MTHFD1L: variants seen among roughly 807,000 people sequenced by gnomAD.
MTHFD1L encodes the protein monofunctional C1-tetrahydrofolate synthase, mitochondrial.
MTHFD1L carries 81 observed loss-of-function variants against 119.5 expected under a neutral mutation model. The observed-to-expected ratio is 0.68, with a 90% CI of 0.57 to 0.82. The LOEUF is 0.82. Among genes scored for constraint, MTHFD1L ranks in the 40% least tolerant of loss-of-function variants. The pLI is 0.00. For missense variants in MTHFD1L, 1,125 were observed against 1,253.4 expected, an observed-to-expected ratio of 0.90 and a Z score of 1.55; for synonymous variants, 430 against 475.2, an observed-to-expected ratio of 0.90 and a Z score of 1.24.
At chr6:151,075,059 A>G (rs1447762850) in intron 26 of MTHFD1L, among the ~76,000 whole-genome samples, 1 of 152,228 alleles carries the variant, frequency 6.6e-6, no homozygotes, top group African/African-American at 2.4e-5. Context: ...AATCATTAAA[A>G]ATAATCCAGA....
At chr6:150,897,535 T>A (rs1435693958) in intron 7 of MTHFD1L, among the ~76,000 whole-genome samples, 2 of 152,224 alleles carry the variant, frequency 1.3e-5, no homozygotes, top group Non-Finnish European at 1.5e-5. Flanking sequence ...ATGCACTTCT[T>A]AGCTGTGGGG....
intron 26 of MTHFD1L, among the ~76,000 whole-genome samples, chr6:151,037,663 A>T (rs932053996): frequency 2.0e-5 from 3 of 152,180 alleles, no homozygotes; most frequent in African/African-American, 7.2e-5. Context: ...TTGGATGATT[A>T]TTCTGTTATT....
chr6:150,892,897 A>G lies in MTHFD1L; in HGVS notation c.780+4916A>G, dbSNP rs373574779. ...GTCGTGGTAATATGGAGACATGGTAATATGTGGATTGTACCACTCAATGGC... is the reference window on the plus strand; with the variant it reads ...GTCGTGGTAATATGGAGACATGGTAGTATGTGGATTGTACCACTCAATGGC... On this transcript the variant is annotated intron_variant, in intron 7 of 27. Coordinates refer to ENST00000367321, the MANE Select transcript of MTHFD1L (RefSeq NM_015440.5). Among the ~76,000 whole-genome samples, 9 of 152,166 alleles carry G rather than the reference A, an allele frequency of 5.9e-5. No individual in the cohort carries two copies. In the East Asian group the frequency reaches 7.7e-4, roughly 13 times the overall value.
chr6:151,011,169 C>T (rs756721977), intron 21 of MTHFD1L, among the ~76,000 whole-genome samples: 48 of 152,206 alleles, frequency 3.2e-4, no homozygotes, highest in Non-Finnish European at 5.0e-4. Context: ...TTCATTTTTG[C>T]CTAAAGCTTC....
intron 26 of MTHFD1L, among the ~76,000 whole-genome samples, chr6:151,054,421 T>G (rs1789564354): frequency 2.0e-5 from 3 of 152,116 alleles, no homozygotes; most frequent in African/African-American, 7.2e-5. Flanking sequence ...CTCTAGCACT[T>G]CTTTGTGATC....
Position 150,865,702 on chromosome 6 carries a change from G to T in MTHFD1L, c.-121G>T, listed in dbSNP as rs1249599675. The stretch of plus-strand genomic sequence containing the variant: ...GCCCCCTAGGGGCCCCTGGGACGAG[G>T]AGGAAGCGCCAGGTCCTTCCCGCCG... On this transcript the variant is annotated 5_prime_UTR_variant, in exon 1 of 28. Coordinates refer to ENST00000367321, the MANE Select transcript of MTHFD1L (RefSeq NM_015440.5). The T allele has an allele frequency of 6.9e-6, 6 of 874,556 alleles. No individual in the cohort carries two copies. Among genetic ancestry groups the T allele is most frequent in the Non-Finnish European group, 7.2e-6 (5 of 697,076 alleles). 54.2% of individuals were successfully genotyped at this position (874,556 alleles called of 1,614,324 possible). A position where few individuals can be genotyped will look rare whatever the true frequency, so the allele number is the denominator to read the frequency against.
At chr6:150,896,875 G>A (rs937231619) in intron 7 of MTHFD1L, among the ~76,000 whole-genome samples, 9 of 152,006 alleles carry the variant, frequency 5.9e-5, no homozygotes, top group Non-Finnish European at 8.8e-5. Context: ...TTGGGAGGCC[G>A]AGGCAGGTGG....
intron 26 of MTHFD1L, among the ~76,000 whole-genome samples, chr6:151,091,192 TCGTTC>T (rs1794397419): frequency 1.3e-5 from 2 of 149,844 alleles, no homozygotes; most frequent in Admixed American, 6.6e-5. Context: ...GGGTGCAGCA[TCGTTC>T]CATGCGACTG....
rs375343287 is a variant in MTHFD1L at position 150,973,325 on chromosome 6, T to A, written c.2125+1267T>A. Among the ~76,000 whole-genome samples the A allele has an allele frequency of 2.0e-5, 3 of 152,334 alleles. No individual in the cohort carries two copies. In the East Asian group the frequency reaches 5.8e-4, roughly 29 times the overall value. ...ACTGGCAGTCAGGATCAGATGAGGCTTGGTGGAGCTCCACTCCTCCATGAT... is the reference window on the plus strand; with the variant it reads ...ACTGGCAGTCAGGATCAGATGAGGCATGGTGGAGCTCCACTCCTCCATGAT... On this transcript the variant is annotated intron_variant, in intron 20 of 27. Coordinates refer to ENST00000367321, the MANE Select transcript of MTHFD1L (RefSeq NM_015440.5).
At chr6:151,043,760 G>T (rs150856748) in intron 26 of MTHFD1L, among the ~76,000 whole-genome samples, 1,659 of 152,266 alleles carry the variant, frequency 0.011, 15 homozygotes, top group Middle Eastern at 0.024. Context: ...GCAATTTGTG[G>T]CAACACTCTG....
intron 26 of MTHFD1L, among the ~76,000 whole-genome samples, chr6:151,073,718 A>T (rs1792195340): frequency 6.6e-6 from 1 of 152,024 alleles, no homozygotes; most frequent in Non-Finnish European, 1.5e-5. Flanking sequence ...TTAATAGCAG[A>T]TTAGACATTG....
intron 27 of MTHFD1L, chr6:151,099,785 T>G: frequency 3.7e-6 from 6 of 1,607,710 alleles, no homozygotes; most frequent in Non-Finnish European, 5.1e-6. Context: ...GAGCTGGAAG[T>G]GCTGCTGATG....
intron 26 of MTHFD1L, among the ~76,000 whole-genome samples, chr6:151,053,664 A>G (rs112848355): frequency 1.6e-4 from 25 of 152,214 alleles, no homozygotes; most frequent in African/African-American, 6.0e-4. Flanking sequence ...ATTGAAGACC[A>G]AACTGGCCAA....
At chr6:150,951,197 A>G (rs755887596) in intron 16 of MTHFD1L, among the ~76,000 whole-genome samples, 21 of 149,244 alleles carry the variant, frequency 1.4e-4, no homozygotes, top group Admixed American at 1.0e-3. Context: ...ACACTCAGCT[A>G]ATTTTCGTAT....
intron 24 of MTHFD1L, among the ~76,000 whole-genome samples, chr6:151,033,394 A>G (rs1442643165): frequency 4.6e-5 from 7 of 152,190 alleles, no homozygotes; most frequent in Non-Finnish European, 1.0e-4. Context: ...TGCTGGGATT[A>G]CAGGTGTGAG....
At chr6:150,912,906 C>G (rs1787174614) in intron 8 of MTHFD1L, 1 of 165,224 alleles carries the variant, frequency 6.1e-6, no homozygotes, top group Admixed American at 6.2e-5. Flanking sequence ...GATTCCCTTT[C>G]TTAATTTTCT....
At chr6:151,004,017 A>AG (rs989288186) in intron 20 of MTHFD1L, among the ~76,000 whole-genome samples, 3 of 150,052 alleles carry the variant, frequency 2.0e-5, no homozygotes, top group Admixed American at 6.6e-5. Flanking sequence ...TTAAAAAAAA[A>AG]AAAAAAAAAA....
At chr6:150,872,958 A>G (rs1461315840) in intron 1 of MTHFD1L, among the ~76,000 whole-genome samples, 1 of 151,348 alleles carries the variant, frequency 6.6e-6, no homozygotes, top group Non-Finnish European at 1.5e-5. Context: ...CACTGCGCCC[A>G]GCCCCCATCC....
Position 150,938,726 on chromosome 6 carries a change from AG to A in MTHFD1L, c.1423del (p.Val475SerfsTer11), listed in dbSNP as rs777857601. 2 of 1,610,698 alleles carry A rather than the reference AG, an allele frequency of 1.2e-6. No homozygotes were observed. Among genetic ancestry groups the A allele is most frequent in the Non-Finnish European group, 1.7e-6 (2 of 1,178,746 alleles). The part of the protein sequence containing the change: ...KGGAAGGGYA[Q>X]VIPMEEFNLH... ...GGAGCCGCGGGTGGTGGATATGCCC[AG>A]GTCATCCCCATGGAGGAGGTAAGAC... is the stretch of plus-strand genomic sequence containing the variant. On this transcript the variant is annotated frameshift_variant, in exon 13 of 28. Coordinates refer to ENST00000367321, the MANE Select transcript of MTHFD1L (RefSeq NM_015440.5). LOFTEE classifies it high-confidence loss of function.
Sources: allele counts gnomAD v4.1 joint callset (sites outside exome capture counted in the v4.1 genomes callset), GRCh38; gene constraint gnomAD v4.1.1; transcripts MANE v1.5; gene names NCBI Gene and HGNC (gene_info 2026-07-23, HGNC 2026-07-21).